The following PDE3A variants were observed in gnomAD, a reference collection of about 807,000 sequenced individuals.
The protein encoded by PDE3A is cGMP-inhibited 3',5'-cyclic phosphodiesterase 3A.
In PDE3A, 43 loss-of-function variants were observed where a neutral mutation model predicts 98.3. The observed-to-expected ratio is 0.44, with a 90% CI of 0.34 to 0.56. The LOEUF (loss-of-function observed/expected upper bound fraction) is 0.56. PDE3A is among the 20% of genes least tolerant of loss of function. The pLI, the probability that PDE3A is intolerant of heterozygous loss-of-function variation, is 0.01. For synonymous variants in PDE3A, 663 were observed against 567.9 expected, an observed-to-expected ratio of 1.17 and a Z score of -2.38; for missense variants, 1,427 against 1,440.7, an observed-to-expected ratio of 0.99 and a Z score of 0.15.
chr12:20,635,435 G>A (rs543775848), intron 8 of PDE3A, among the ~76,000 whole-genome samples: 10 of 152,044 alleles, frequency 6.6e-5, no homozygotes, highest in East Asian at 5.8e-4. Flanking sequence ...AAAATTAGCC[G>A]GGCGTGGTGG....
chr12:20,566,207 T>G (rs1415006178), intron 2 of PDE3A, among the ~76,000 whole-genome samples: 1 of 151,294 alleles, frequency 6.6e-6, no homozygotes, highest in Non-Finnish European at 1.5e-5. Flanking sequence ...TTTGGCGGAG[T>G]TTTTTTTTCT....
rs150064660 is a variant in PDE3A at position 20,454,935 on chromosome 12, A to G, written c.960+84691A>G. ...GTGAATAGTGCTGCAATGACCATAC[A>G]TGTGCATTTGTCTTTATGACAGAAC... On this transcript the variant is annotated intron_variant, in intron 1 of 15. Transcript: ENST00000359062. Among the ~76,000 whole-genome samples the G allele has an allele frequency of 7.9e-5, 12 of 152,278 alleles. No homozygotes were observed. In the East Asian group the frequency reaches 2.3e-3, roughly 29 times the overall value.
At chr12:20,442,894 T>G (rs1267564610) in intron 1 of PDE3A, among the ~76,000 whole-genome samples, 1 of 152,140 alleles carries the variant, frequency 6.6e-6, no homozygotes. Flanking sequence ...CTGACAGTGT[T>G]GAAGAACAAA....
chr12:20,676,893 T>C (rs1945655908), intron 15 of PDE3A, among the ~76,000 whole-genome samples: 1 of 152,210 alleles, frequency 6.6e-6, no homozygotes, highest in Admixed American at 6.5e-5. Flanking sequence ...CATCTAGATG[T>C]CTAAATCTCT....
At chr12:20,675,209 A>G (rs1202381974) in intron 15 of PDE3A, among the ~76,000 whole-genome samples, 2 of 151,814 alleles carry the variant, frequency 1.3e-5, no homozygotes, top group African/African-American at 4.8e-5. Flanking sequence ...ATTTTCATGT[A>G]TTTATACAGT....
rs547947579 is a variant in PDE3A at position 20,462,502 on chromosome 12, C to A, written c.960+92258C>A. Among the ~76,000 whole-genome samples the A allele has an allele frequency of 7.2e-4, 110 of 152,174 alleles. 2 individuals are homozygous for A. The South Asian group carries it at 0.018, about 25-fold the overall frequency. On this transcript the variant is annotated intron_variant, in intron 1 of 15. Transcript: ENST00000359062. ...AAGACTTCATCTAAAACAACAACAA[C>A]AAAAATCGAATTTTTTTTTGGTTGT...
At chr12:20,534,945 T>G (rs1370943371) in intron 1 of PDE3A, among the ~76,000 whole-genome samples, 1 of 152,142 alleles carries the variant, frequency 6.6e-6, no homozygotes, top group Non-Finnish European at 1.5e-5. Context: ...TCTGTGGGAA[T>G]AAAAAGAGAA....
chr12:20,435,854 C>T lies in PDE3A; in HGVS notation c.960+65610C>T, dbSNP rs575033420. Among the ~76,000 whole-genome samples the T allele has an allele frequency of 2.6e-5, 4 of 152,228 alleles. No individual in the cohort carries two copies. In the East Asian group the frequency reaches 7.7e-4, roughly 29 times the overall value. On this transcript the variant is annotated intron_variant, in intron 1 of 15. Transcript: ENST00000359062. ...CAATATAGTGTCAGAGCTGGGCAAA[C>T]AATTTAAATAAGGGAAACTGGACTT...
intron 1 of PDE3A, among the ~76,000 whole-genome samples, chr12:20,456,286 A>G (rs1184316652): frequency 6.6e-6 from 1 of 152,162 alleles, no homozygotes; most frequent in Non-Finnish European, 1.5e-5. Context: ...GTAGAATTTT[A>G]AAATGCTGAA....
chr12:20,487,627 T>C (rs12424700), intron 1 of PDE3A, among the ~76,000 whole-genome samples: 26,317 of 149,724 alleles, frequency 0.18, 2,498 homozygotes, highest in East Asian at 0.28. Context: ...CACTCCAGCC[T>C]GGGCAACAGA....
intron 10 of PDE3A, 40 bp downstream of exon 10, chr12:20,639,997 T>C (rs927852199): frequency 1.1e-6 from 1 of 948,384 alleles, no homozygotes; most frequent in South Asian, 1.3e-5. Context: ...TTTTAAAATA[T>C]GTCGAATTTG....
At chr12:20,610,077 A>C (rs575850334) in intron 2 of PDE3A, among the ~76,000 whole-genome samples, 6 of 150,868 alleles carry the variant, frequency 4.0e-5, no homozygotes, top group African/African-American at 1.5e-4. Context: ...GCTTCTGCAC[A>C]GGAAGGGAAA....
chr12:20,640,134 A>C, intron 10 of PDE3A, among the ~76,000 whole-genome samples, 177 bp downstream of exon 10: 1 of 152,012 alleles, frequency 6.6e-6, no homozygotes, highest in East Asian at 1.9e-4. Context: ...TGGCCCCTTT[A>C]CTTTTCAGCT....
At chr12:20,481,922 G>T (rs1201733362) in intron 1 of PDE3A, among the ~76,000 whole-genome samples, 1 of 150,534 alleles carries the variant, frequency 6.6e-6, no homozygotes, top group African/African-American at 2.5e-5. Context: ...CCGCCACCAC[G>T]CCCAGCTAAT....
intron 1 of PDE3A, among the ~76,000 whole-genome samples, chr12:20,409,548 C>T (rs1293054765): frequency 6.6e-6 from 1 of 152,010 alleles, no homozygotes; most frequent in South Asian, 2.1e-4. Context: ...GTTGTCTTTG[C>T]TTGTAATGAA....
At chr12:20,448,173 C>T (rs969873640) in intron 1 of PDE3A, among the ~76,000 whole-genome samples, 7 of 152,238 alleles carry the variant, frequency 4.6e-5, no homozygotes, top group Middle Eastern at 3.4e-3. Flanking sequence ...TGGTGGCTCA[C>T]GCCCGTAATC....
chr12:20,513,018 A>G (rs763181781), intron 1 of PDE3A, among the ~76,000 whole-genome samples: 4 of 152,102 alleles, frequency 2.6e-5, no homozygotes, highest in Non-Finnish European at 5.9e-5. Flanking sequence ...TTAAGTAAAC[A>G]GAATTATTTC....
chr12:20,639,711 T>A (rs1944602815), intron 9 of PDE3A, 135 bp from the exon 10 acceptor site: 2 of 518,412 alleles, frequency 3.9e-6, no homozygotes, highest in East Asian at 6.1e-5. Flanking sequence ...TTAACCAACT[T>A]AAAAGGACAC....
At chr12:20,628,114 C>T (rs922913392) in intron 5 of PDE3A, among the ~76,000 whole-genome samples, 11 of 152,126 alleles carry the variant, frequency 7.2e-5, no homozygotes, top group Non-Finnish European at 1.2e-4. Context: ...TAATTATGAG[C>T]TATTAGAGAT....
Sources: gnomAD v4.1 joint callset for allele counts (sites outside exome capture counted in the v4.1 genomes callset) on GRCh38, gnomAD v4.1.1 for gene constraint, MANE v1.5 for transcripts, NCBI Gene and HGNC (gene_info 2026-07-23, HGNC 2026-07-21) for gene names.